The following VAV3 variants were observed in gnomAD, a reference collection of about 807,000 sequenced individuals.
VAV3 encodes the protein vav guanine nucleotide exchange factor 3.
Under a neutral mutation model 131.2 loss-of-function variants are expected in VAV3, and 94 were observed. That is an observed-to-expected ratio of 0.72 (90% CI 0.61 to 0.85). The LOEUF is 0.85. Ranked by LOEUF, VAV3 falls within the 40% of genes least tolerant of loss-of-function variation. The probability of loss-of-function intolerance (pLI) is 0.00; values close to 1 mark genes in which losing one functional copy is unlikely to be tolerated. For missense variants in VAV3, 939 were observed against 1,002.7 expected (o/e 0.94, Z 0.86); for synonymous variants, 349 against 342.0 (o/e 1.02, Z -0.22).
At chr1:107,829,688 T>C (rs907819666) in intron 2 of VAV3, among the ~76,000 whole-genome samples, 1 of 152,192 alleles carries the variant, frequency 6.6e-6, no homozygotes, top group Non-Finnish European at 1.5e-5. Flanking sequence ...GACATCCACC[T>C]AGAAACTCAA....
intron 1 of VAV3, among the ~76,000 whole-genome samples, chr1:107,909,011 T>C (rs951076214): frequency 6.6e-6 from 1 of 152,192 alleles, no homozygotes; most frequent in African/African-American, 2.4e-5. Flanking sequence ...CTTTACATCC[T>C]GTTAAAGACA....
At chr1:107,933,185 G>T (rs555551729) in intron 1 of VAV3, among the ~76,000 whole-genome samples, 1 of 152,134 alleles carries the variant, frequency 6.6e-6, no homozygotes, top group East Asian at 1.9e-4. Flanking sequence ...AAATTATTCA[G>T]TTTTGTGGTT....
intron 19 of VAV3, among the ~76,000 whole-genome samples, chr1:107,654,796 T>G (rs2101590900): frequency 6.6e-6 from 1 of 152,134 alleles, no homozygotes; most frequent in East Asian, 1.9e-4. Flanking sequence ...CCCACAAAGC[T>G]TAGAGTCTAA....
intron 19 of VAV3, among the ~76,000 whole-genome samples, chr1:107,664,626 G>C (rs1376517487): frequency 1.3e-5 from 2 of 152,032 alleles, no homozygotes; most frequent in Non-Finnish European, 2.9e-5. Flanking sequence ...GATACCATGG[G>C]TATAAATATG....
At chr1:107,587,716 G>A (rs992957245) in intron 25 of VAV3, among the ~76,000 whole-genome samples, 1 of 152,020 alleles carries the variant, frequency 6.6e-6, no homozygotes, top group Non-Finnish European at 1.5e-5. Context: ...TCGGCCTCCC[G>A]AGTAGCTGGG....
intron 1 of VAV3, among the ~76,000 whole-genome samples, chr1:107,945,256 T>C (rs1674195555): frequency 6.6e-6 from 1 of 152,206 alleles, no homozygotes. Flanking sequence ...CAAGATCTTA[T>C]TTAATTACAA....
In VAV3 at chr1:107,619,447, CA is replaced by C. The variant is rs1398553426; in HGVS notation, c.1915-1816del. 2.0e-5 allele frequency among the ~76,000 whole-genome samples: 3 copies of C among 152,172 alleles called. No individual in the cohort carries two copies. In the East Asian group the frequency reaches 5.8e-4, roughly 29 times the overall value. Reference sequence around the variant, plus strand: ...TTTGTTTTCAGCAGGCAGTGAGATACAAGTAAATAAGTATGGTATTTGGGAC... The same window carrying C: ...TTTGTTTTCAGCAGGCAGTGAGATACAGTAAATAAGTATGGTATTTGGGAC... On this transcript the variant is annotated intron_variant, in intron 20 of 26. Coordinates refer to ENST00000370056, the MANE Select transcript of VAV3 (RefSeq NM_006113.5).
chr1:107,823,886 C>T (rs1009503724), intron 2 of VAV3, among the ~76,000 whole-genome samples: 5 of 152,134 alleles, frequency 3.3e-5, no homozygotes, highest in Non-Finnish European at 7.4e-5. Context: ...TATCTGCAAG[C>T]CAGGAAGACA....
chr1:107,835,405 T>C (rs1668427966), intron 2 of VAV3, among the ~76,000 whole-genome samples: 1 of 152,150 alleles, frequency 6.6e-6, no homozygotes, highest in South Asian at 2.1e-4. Flanking sequence ...CTGAGATCTA[T>C]GGCTGGTCCT....
intron 2 of VAV3, among the ~76,000 whole-genome samples, chr1:107,790,636 A>G (rs901880442): frequency 1.4e-5 from 2 of 146,960 alleles, no homozygotes; most frequent in East Asian, 3.9e-4. Context: ...AAAAGTACAA[A>G]TGTTTTCCAG....
At chr1:107,668,847 A>G (rs1254834166) in intron 19 of VAV3, 2 of 985,460 alleles carry the variant, frequency 2.0e-6, no homozygotes, top group African/African-American at 1.7e-5. Context: ...TGTTAAATGG[A>G]ATTTCACTTT....
chr1:107,622,166 C>T (rs964295716), intron 20 of VAV3, among the ~76,000 whole-genome samples: 8 of 152,080 alleles, frequency 5.3e-5, no homozygotes, highest in African/African-American at 7.2e-5. Flanking sequence ...CTGACATTCC[C>T]GAACATCACA....
intron 2 of VAV3, among the ~76,000 whole-genome samples, chr1:107,858,785 G>T (rs1456836794): frequency 6.6e-6 from 1 of 152,150 alleles, no homozygotes; most frequent in Non-Finnish European, 1.5e-5. Flanking sequence ...GAGTATCCTG[G>T]AAGTGTGAGT....
At chr1:107,696,592 T>TA (rs1444884455) in intron 17 of VAV3, among the ~76,000 whole-genome samples, 8 of 152,310 alleles carry the variant, frequency 5.3e-5, no homozygotes, top group African/African-American at 1.9e-4. Flanking sequence ...ATAGTTAGAC[T>TA]ATGTTAAACA....
chr1:107,875,827 C>A (rs984141802), intron 1 of VAV3, among the ~76,000 whole-genome samples: 1 of 152,112 alleles, frequency 6.6e-6, no homozygotes, highest in African/African-American at 2.4e-5. Flanking sequence ...AGGTGAGAGA[C>A]AACTGTGGGA....
intron 17 of VAV3, among the ~76,000 whole-genome samples, chr1:107,691,067 T>C (rs1052434898): frequency 1.3e-5 from 2 of 152,194 alleles, no homozygotes. Flanking sequence ...TTAGCCAGGC[T>C]CCTGTATTTA....
intron 15 of VAV3, among the ~76,000 whole-genome samples, chr1:107,735,865 T>C (rs1380462067): frequency 1.3e-5 from 2 of 152,190 alleles, no homozygotes; most frequent in Non-Finnish European, 2.9e-5. Context: ...GAGGTCAGCA[T>C]CATCCTGATA....
At chr1:107,641,910 C>A (rs1655371122) in intron 20 of VAV3, among the ~76,000 whole-genome samples, 1 of 152,092 alleles carries the variant, frequency 6.6e-6, no homozygotes, top group Admixed American at 6.6e-5. Flanking sequence ...TTTGTTGCAA[C>A]TTTGGCATTA....
chr1:107,671,233 G>C (rs1354960742), intron 19 of VAV3, among the ~76,000 whole-genome samples: 3 of 152,204 alleles, frequency 2.0e-5, no homozygotes, highest in African/African-American at 7.2e-5. Context: ...ACACGATTTT[G>C]TTGGGGCATT....
Sources: allele counts gnomAD v4.1 joint callset (sites outside exome capture counted in the v4.1 genomes callset), GRCh38; gene constraint gnomAD v4.1.1; transcripts MANE v1.5; gene names NCBI Gene and HGNC (gene_info 2026-07-23, HGNC 2026-07-21).